The following BUB1 variants were observed in gnomAD, a reference collection of about 807,000 sequenced individuals.
BUB1 encodes BUB1 mitotic checkpoint serine/threonine kinase, also known as mitotic checkpoint serine/threonine-protein kinase BUB1.
BUB1 carries 84 observed loss-of-function variants against 135.2 expected under a neutral mutation model. That is an observed-to-expected ratio of 0.62 (90% CI 0.52 to 0.74). BUB1 has a LOEUF of 0.74. Among genes scored for constraint, BUB1 ranks in the 30% least tolerant of loss-of-function variants. The pLI, the probability that BUB1 is intolerant of heterozygous loss-of-function variation, is 0.00. For missense variants in BUB1, 1,162 were observed against 1,288.3 expected (o/e 0.90, Z 1.50); for synonymous variants, 403 against 434.4 (o/e 0.93, Z 0.90).
intron 24 of BUB1, among the ~76,000 whole-genome samples, chr2:110,638,927 T>A (rs1159507943): frequency 3.4e-5 from 5 of 148,808 alleles, no homozygotes; most frequent in African/African-American, 9.8e-5. Flanking sequence ...GCCATTTTTC[T>A]TTTTTTTTTG....
Position 110,638,092 on chromosome 2 carries a change from G to A in BUB1, c.3130C>T (p.Leu1044Phe). 6.2e-7 allele frequency: 1 copy of A among 1,612,212 alleles called. No homozygotes were observed. The highest frequency in any genetic ancestry group is 8.5e-7 in the Non-Finnish European group (1 of 1,179,288). ...VMLNIPDCHH[L>F]PSLDLLRQKL... ...TGCCTTAACAAATCCAAAGATGGAA[G>A]ATGATGACAATCTGGAATATTCAAC... The change falls in exon 25 of 25, where the codon CTT (leucine) becomes TTT (phenylalanine). Residue 1044 changes from leucine (L) to phenylalanine (F), a missense_variant. Leu to Phe is a conservative substitution (Grantham distance 22, BLOSUM62 0). Coordinates refer to ENST00000302759, the MANE Select transcript of BUB1 (RefSeq NM_004336.5).
chr2:110,673,657 G>T (rs1398328309), intron 3 of BUB1, among the ~76,000 whole-genome samples: 1 of 152,052 alleles, frequency 6.6e-6, no homozygotes, highest in Non-Finnish European at 1.5e-5. Context: ...GCAGTGACAT[G>T]ATCTGATCTC....
chr2:110,661,935 T>C, intron 9 of BUB1, 94 bp from the exon 10 acceptor site: 1 of 1,432,758 alleles, frequency 7.0e-7, no homozygotes, highest in South Asian at 1.4e-5. Flanking sequence ...ATGGCATCTG[T>C]CTTCAATGGA....
chr2:110,657,077 A>T lies in BUB1; in HGVS notation c.1657T>A (p.Phe553Ile). 1 of 1,613,462 alleles carries T rather than the reference A, an allele frequency of 6.2e-7. No individual in the cohort carries two copies. The highest frequency in any genetic ancestry group is 8.5e-7 in the Non-Finnish European group (1 of 1,179,656). The change falls in exon 15 of 25, where the codon TTT becomes ATT. Residue 553 changes from phenylalanine to isoleucine, a missense_variant. Coordinates refer to ENST00000302759, the MANE Select transcript of BUB1 (RefSeq NM_004336.5). ...AGTCTGCTGACAGAGCGTTCTCCAA[A>T]GGTCCTGGCTCCTGTGGGTTTATTT... ...PKNKPTGART[F>I]GERSVSRLPS... is the part of the protein sequence containing the mutation.
At position 110,639,863 on chromosome 2, in the gene BUB1, G is replaced by C. The variant is rs748650973; in HGVS notation, c.2956-15C>G. On this transcript the variant is annotated splice_polypyrimidine_tract_variant and intron_variant, in intron 23 of 24. Coordinates refer to ENST00000302759, the MANE Select transcript of BUB1 (RefSeq NM_004336.5). ...AAGTAATCGATCTATGAAGAAGATA[G>C]AGGTATATATGACTTAAATAGTAAT... The C allele has an allele frequency of 4.4e-6, 7 of 1,590,556 alleles. No homozygotes were observed. Among genetic ancestry groups the C allele is most frequent in the Non-Finnish European group, 5.2e-6 (6 of 1,158,576 alleles).
In BUB1 at chr2:110,648,637, T is replaced by A. The variant is rs1417228150; in HGVS notation, c.2347+597A>T. On this transcript the variant is annotated intron_variant, in intron 19 of 24. Transcript: ENST00000302759. The surrounding 1 kb of genome is among the most constrained non-coding windows in gnomAD (Gnocchi z 4.2). ...TGTTAGTAACACGAAAATCTGTGTG[T>A]GTATATATGGGGAGGTAGGAATATG... Among the ~76,000 whole-genome samples, 1 of 152,214 alleles carries A rather than the reference T, an allele frequency of 6.6e-6. No individual in the cohort carries two copies. The highest frequency in any genetic ancestry group is 1.5e-5 in the Non-Finnish European group (1 of 68,040).
At chr2:110,653,357 C>T in intron 17 of BUB1, 79 bp downstream of exon 17, 1 of 1,472,018 alleles carries the variant, frequency 6.8e-7, no homozygotes, top group African/African-American at 1.4e-5. Flanking sequence ...GCCTAAAAGG[C>T]AAAGCTAGAA....
intron 9 of BUB1, among the ~76,000 whole-genome samples, chr2:110,662,943 TAAAGATTAA>T (rs1199364030): frequency 1.3e-5 from 2 of 152,190 alleles, no homozygotes; most frequent in African/African-American, 4.8e-5. Context: ...ACCAAATTAG[TAAAGATTAA>T]AAATCATCAT....
chr2:110,644,058 CAA>C (rs58393999), intron 19 of BUB1, among the ~76,000 whole-genome samples: 1 of 39,678 alleles, frequency 2.5e-5, no homozygotes, highest in Non-Finnish European at 4.3e-5. Flanking sequence ...AACTGAAATG[CAA>C]AAAAAAAAAA....
At chr2:110,672,097 C>A (rs537808241) in intron 4 of BUB1, among the ~76,000 whole-genome samples, 37 of 152,010 alleles carry the variant, frequency 2.4e-4, no homozygotes, top group African/African-American at 8.9e-4. Context: ...CATGGTGGCA[C>A]GTCCCTATAG....
chr2:110,655,924 A>G lies in BUB1; in HGVS notation c.1699-8T>C. 6.2e-7 allele frequency: 1 copy of G among 1,609,592 alleles called. No homozygotes were observed. Among genetic ancestry groups the G allele is most frequent in the Non-Finnish European group, 8.5e-7 (1 of 1,177,086 alleles). ...AGCATGAGGCACTTCCTCCTATAAC[A>G]GAAGATGAAATGAAAAAAAAGCAGC... On this transcript the variant is annotated splice_region_variant and splice_polypyrimidine_tract_variant and intron_variant, in intron 15 of 24. Transcript: ENST00000302759.
intron 13 of BUB1, among the ~76,000 whole-genome samples, chr2:110,657,894 A>G (rs1689975520): frequency 6.6e-6 from 1 of 152,216 alleles, no homozygotes; most frequent in African/African-American, 2.4e-5. Context: ...TCATTCTCCT[A>G]AATCAGTACT....
chr2:110,663,218 T>G (rs1451402227), intron 9 of BUB1, among the ~76,000 whole-genome samples: 1 of 152,074 alleles, frequency 6.6e-6, no homozygotes, highest in Non-Finnish European at 1.5e-5. Flanking sequence ...AAGCGGAGGT[T>G]GCAGTGAGCG....
chr2:110,652,399 T>C (rs1055212601), intron 17 of BUB1, among the ~76,000 whole-genome samples: 3 of 152,242 alleles, frequency 2.0e-5, no homozygotes, highest in African/African-American at 4.8e-5. Context: ...TCCCAAAGTA[T>C]AGTGCTGAAG....
rs1689492981 is a variant in BUB1, at chr2:110,641,149, A to C, written c.2840T>G (p.Leu947Arg). 6.2e-7 allele frequency: 1 copy of C among 1,612,888 alleles called. No individual in the cohort carries two copies. Among genetic ancestry groups the C allele is most frequent in the African/African-American group, 1.3e-5 (1 of 74,868 alleles). ...AAGTTTCATATCTATACTCTGACCC[A>C]GGTCAATCAGTGCCAAGCCAGCAGA... Reference protein sequence around the residue: ...DLSAGLALIDLGQSIDMKLFP... With the variant: ...DLSAGLALIDRGQSIDMKLFP... The change falls in exon 23 of 25, where the codon CTG (leucine) becomes CGG (arginine). Residue 947 changes from leucine to arginine, a missense_variant. Coordinates refer to ENST00000302759, the MANE Select transcript of BUB1 (RefSeq NM_004336.5).
intron 3 of BUB1, among the ~76,000 whole-genome samples, chr2:110,673,575 C>T (rs777527327): frequency 4.0e-5 from 6 of 151,262 alleles, no homozygotes; most frequent in African/African-American, 4.9e-5. Context: ...GAGAGAAGTC[C>T]GCACATACTT....
chr2:110,640,932 C>T, intron 23 of BUB1, 102 bp downstream of exon 23: 1 of 1,285,342 alleles, frequency 7.8e-7, no homozygotes, highest in Non-Finnish European at 1.0e-6. Flanking sequence ...AACTGCTCCT[C>T]AAAAGACCAC....
At chr2:110,639,902 TA>T in intron 23 of BUB1, 54 bp from the exon 24 acceptor site, 1 of 1,375,152 alleles carries the variant, frequency 7.3e-7, no homozygotes, top group Non-Finnish European at 1.0e-6. Flanking sequence ...CACATGACTA[TA>T]TCAAGATGCC....
chr2:110,670,840 C>T (rs1369634053), intron 4 of BUB1, among the ~76,000 whole-genome samples: 1 of 152,216 alleles, frequency 6.6e-6, no homozygotes, highest in African/African-American at 2.4e-5. Flanking sequence ...AATGCACCCT[C>T]TTCTCCACGT....
Sources: allele counts gnomAD v4.1 joint callset (sites outside exome capture counted in the v4.1 genomes callset), GRCh38; gene constraint gnomAD v4.1.1; non-coding constraint Gnocchi (gnomAD v3.1); transcripts MANE v1.5; gene names NCBI Gene and HGNC (gene_info 2026-07-23, HGNC 2026-07-21).